DCDC1: variants seen among roughly 807,000 people sequenced by gnomAD.
The protein encoded by DCDC1 is doublecortin domain-containing protein 1.
A neutral mutation model predicts 178.3 loss-of-function variants in DCDC1; 200 were observed. The ratio of observed to expected loss-of-function variants is 1.12; its 90% CI spans 1.00 to 1.26. The LOEUF is 1.26. Among genes scored for constraint, DCDC1 ranks in the 50% most tolerant of loss-of-function variants. The pLI is 0.00. For synonymous variants in DCDC1, 690 were observed against 604.8 expected (o/e 1.14, Z -2.07); for missense variants, 1,983 against 1,749.2 (o/e 1.13, Z -2.38).
chr11:31,131,354 G>A (rs1962418308), intron 10 of DCDC1, among the ~76,000 whole-genome samples: 1 of 152,028 alleles, frequency 6.6e-6, no homozygotes, highest in Admixed American at 6.6e-5. Context: ...CCAGTGACAA[G>A]TTTCTCTCGT....
chr11:31,349,667 A>G (rs946154749), intron 1 of DCDC1, among the ~76,000 whole-genome samples: 1 of 151,994 alleles, frequency 6.6e-6, no homozygotes, highest in Non-Finnish European at 1.5e-5. Context: ...GATTTTACAG[A>G]TTTTTTTAAA....
At chr11:31,057,305 GAA>G (rs1955651839) in intron 20 of DCDC1, among the ~76,000 whole-genome samples, 2 of 151,092 alleles carry the variant, frequency 1.3e-5, no homozygotes, top group South Asian at 2.1e-4. Flanking sequence ...AAGAAAGAAA[GAA>G]AGAGAGAGAG....
chr11:30,912,579 G>C (rs551805012), intron 27 of DCDC1, among the ~76,000 whole-genome samples: 2 of 152,028 alleles, frequency 1.3e-5, no homozygotes, highest in Non-Finnish European at 2.9e-5. Flanking sequence ...CACCATGCCC[G>C]GCCCTGTTTC....
rs77154790 is a variant in DCDC1, at chr11:31,282,222, T to C, written c.960+8425A>G. Among the ~76,000 whole-genome samples, 473 of 152,080 alleles carry C rather than the reference T, an allele frequency of 3.1e-3. 25 individuals are homozygous for C. The East Asian group carries it at 0.083, about 27-fold the overall frequency. On this transcript the variant is annotated intron_variant, in intron 7 of 38. Transcript: ENST00000684477. ...TCTTGGAATTTTGTTTTTTGAAAAG[T>C]TTTTAATTATAAATTTGATTTATTT...
chr11:30,913,224 C>T (rs1407448566), intron 27 of DCDC1, among the ~76,000 whole-genome samples: 2 of 151,590 alleles, frequency 1.3e-5, no homozygotes, highest in Non-Finnish European at 3.0e-5. Context: ...GATCAGACCA[C>T]GATGAAACCC....
chr11:30,870,310 CATGGGAGCTGGGTGTTATCTA>C (rs2133916023), intron 38 of DCDC1, among the ~76,000 whole-genome samples: 1 of 152,172 alleles, frequency 6.6e-6, no homozygotes, highest in East Asian at 1.9e-4. Context: ...TCAACCTTCC[CATGGGAGCTGGGTGTTATCTA>C]ATGGATAACA....
intron 17 of DCDC1, among the ~76,000 whole-genome samples, chr11:31,083,226 A>G (rs1957293775): frequency 6.6e-6 from 1 of 152,228 alleles, no homozygotes; most frequent in Non-Finnish European, 1.5e-5. Context: ...TGAAATATGA[A>G]AGACGGTAAA....
chr11:31,081,111 G>T (rs1957143375), intron 17 of DCDC1, among the ~76,000 whole-genome samples: 1 of 152,154 alleles, frequency 6.6e-6, no homozygotes, highest in Non-Finnish European at 1.5e-5. Context: ...CCTCAGAGCT[G>T]ATCACAAGGC....
At chr11:31,110,158 C>G in intron 12 of DCDC1, 102 bp downstream of exon 12, 1 of 606,048 alleles carries the variant, frequency 1.7e-6, no homozygotes, top group South Asian at 2.0e-5. Context: ...GATCAACAAA[C>G]CATTGATCTT....
chr11:31,203,618 A>G (rs1430560461), intron 9 of DCDC1, among the ~76,000 whole-genome samples: 1 of 152,210 alleles, frequency 6.6e-6, no homozygotes, highest in African/African-American at 2.4e-5. Context: ...TGGTGTTCTC[A>G]TGTATAATTC....
chr11:31,363,503 C>G lies in DCDC1; in HGVS notation c.-125+6194G>C, dbSNP rs568781323. Among the ~76,000 whole-genome samples, 7 of 152,188 alleles carry G rather than the reference C, an allele frequency of 4.6e-5. No individual in the cohort carries two copies. The East Asian group carries it at 1.4e-3, about 29-fold the overall frequency. On this transcript the variant is annotated intron_variant, in intron 1 of 38. Transcript: ENST00000684477. ...GAGGCTCATTAATAAAGTCAAACTTCTATGTATGTTGACCCATTCATACCT... is the reference window on the plus strand; with the variant it reads ...GAGGCTCATTAATAAAGTCAAACTTGTATGTATGTTGACCCATTCATACCT...
At chr11:31,257,742 A>G (rs967218583) in intron 8 of DCDC1, among the ~76,000 whole-genome samples, 5 of 151,810 alleles carry the variant, frequency 3.3e-5, no homozygotes, top group African/African-American at 1.2e-4. Context: ...ACATACACAC[A>G]CGCTAAAACC....
At position 30,941,859 on chromosome 11, in the gene DCDC1, A is replaced by C. The variant is rs1047723104; in HGVS notation, c.2716-9907T>G. Among the ~76,000 whole-genome samples the C allele has an allele frequency of 2.0e-5, 3 of 152,214 alleles. No homozygotes were observed. In the East Asian group the frequency reaches 5.8e-4, roughly 29 times the overall value. On this transcript the variant is annotated intron_variant, in intron 21 of 38. Transcript: ENST00000684477. ...ATTAATTGCATTTAATTAGGAGAAA[A>C]GCAGTATAAATAAGTGTTTAAAAAT...
At position 30,952,489 on chromosome 11, in the gene DCDC1, G is replaced by A. The variant is rs1191620699; in HGVS notation, c.2671C>T (p.Leu891Phe). The A allele has an allele frequency of 1.9e-6, 3 of 1,586,530 alleles. No individual in the cohort carries two copies. The highest frequency in any genetic ancestry group is 2.6e-6 in the Non-Finnish European group (3 of 1,170,936). The change falls in exon 21 of 39, where the codon CTT (leucine) becomes TTT (phenylalanine). Residue 891 changes from leucine to phenylalanine, a missense_variant. Transcript: ENST00000684477. ...SRVENPLWNK[L>F]TYMWPVLPSG... The stretch of plus-strand genomic sequence containing the variant: ...GGAAGGACAGGCCACATGTAGGTAA[G>A]CTTGTTCCATAGAGGATTTTCAACT...
intron 3 of DCDC1, among the ~76,000 whole-genome samples, chr11:31,309,303 A>T (rs977670701): frequency 6.6e-6 from 1 of 152,144 alleles, no homozygotes; most frequent in Non-Finnish European, 1.5e-5. Flanking sequence ...TGGGGAGAGG[A>T]GCAGCCTTCC....
chr11:31,172,693 T>C (rs988156941), intron 9 of DCDC1, among the ~76,000 whole-genome samples: 12 of 152,162 alleles, frequency 7.9e-5, no homozygotes, highest in African/African-American at 2.7e-4. Context: ...AAGAAAATTA[T>C]ATTAAGAAAA....
chr11:31,119,163 G>A (rs761537340), intron 11 of DCDC1, among the ~76,000 whole-genome samples: 2 of 152,124 alleles, frequency 1.3e-5, no homozygotes, highest in African/African-American at 2.4e-5. Context: ...TAAAGGCTTC[G>A]TAGGATCTGT....
chr11:31,109,670 A>T (rs1959074669), intron 12 of DCDC1, among the ~76,000 whole-genome samples: 1 of 152,160 alleles, frequency 6.6e-6, no homozygotes, highest in Non-Finnish European at 1.5e-5. Flanking sequence ...AGCCCAAAAC[A>T]CTGCTGTGCG....
At chr11:31,146,754 A>G (rs1164170288) in intron 9 of DCDC1, among the ~76,000 whole-genome samples, 1 of 152,150 alleles carries the variant, frequency 6.6e-6, no homozygotes, top group Non-Finnish European at 1.5e-5. Context: ...CGGCTGAAAC[A>G]CCCACTTGAC....
Sources: allele counts gnomAD v4.1 joint callset (sites outside exome capture counted in the v4.1 genomes callset), GRCh38; gene constraint gnomAD v4.1.1; transcripts MANE v1.5; gene names NCBI Gene and HGNC (gene_info 2026-07-23, HGNC 2026-07-21).